The following TPBGL variants were observed in gnomAD, a reference collection of about 807,000 sequenced individuals.
TPBGL encodes the protein trophoblast glycoprotein-like.
For missense variants in TPBGL, 685 were observed against 609.4 expected, an observed-to-expected ratio of 1.12 and a Z score of -1.31; for synonymous variants, 380 against 314.8, an observed-to-expected ratio of 1.21 and a Z score of -2.19.
rs898821494 is a variant in TPBGL at position 75,243,704 on chromosome 11, A to C, written c.*1506A>C. ...AGTCTGCAATAATCTCAGATACTCTACTCTTGTTAGTGGTGCCGTATCATT... is the reference window on the plus strand; with the variant it reads ...AGTCTGCAATAATCTCAGATACTCTCCTCTTGTTAGTGGTGCCGTATCATT... On this transcript the variant is annotated 3_prime_UTR_variant, in exon 1 of 1. Transcript: ENST00000562197. 1.3e-5 allele frequency: 2 copies of C among 151,710 alleles called. No homozygotes were observed. The highest frequency in any genetic ancestry group is 2.9e-5 in the Non-Finnish European group (2 of 67,974). 9.4% of individuals were successfully genotyped at this position (151,710 alleles called of 1,614,324 possible). A position where few individuals can be genotyped will look rare whatever the true frequency, so the allele number is the denominator to read the frequency against.
chr11:75,241,404 A>G lies in TPBGL; in HGVS notation c.355A>G (p.Ser119Gly). 1 of 1,360,624 alleles carries G rather than the reference A, an allele frequency of 7.3e-7. No homozygotes were observed. Among genetic ancestry groups the G allele is most frequent in the Admixed American group, 3.4e-5 (1 of 29,240 alleles). 84.3% of individuals were successfully genotyped at this position (1,360,624 alleles called of 1,614,324 possible). A position where few individuals can be genotyped will look rare whatever the true frequency, so the allele number is the denominator to read the frequency against. Residue 119 changes from serine to glycine, a missense_variant, in exon 1 of 1, where the codon AGC (serine) becomes GGC (glycine). Transcript: ENST00000562197. ...GGACGGCGCCTTCGACGGGCTGCCC[A>G]GCCTGGCGGCGCTCGACCTCAGCCA... is the stretch of plus-strand genomic sequence containing the variant. The part of the protein sequence containing the change: ...VEDGAFDGLP[S>G]LAALDLSHNP...
In TPBGL at chr11:75,242,143, C is replaced by T; in HGVS notation, c.1094C>T (p.Pro365Leu). Reference sequence around the variant, plus strand: ...CAGGACGCCGACCCGCGCCGCGCGCCCGCGCCCGCCGCGCCCGCGGGCTCC... The same window carrying T: ...CAGGACGCCGACCCGCGCCGCGCGCTCGCGCCCGCCGCGCCCGCGGGCTCC... ...YEQDADPRRA[P>L]APAAPAGSRA... Residue 365 changes from proline (P) to leucine (L), a missense_variant, in exon 1 of 1, where the codon CCC (proline) becomes CTC (leucine). Pro to Leu is a moderately conservative substitution (Grantham distance 98, BLOSUM62 -3). Transcript: ENST00000562197. The T allele has an allele frequency of 8.3e-7, 1 of 1,201,310 alleles. No homozygotes were observed. Among genetic ancestry groups the T allele is most frequent in the Non-Finnish European group, 1.0e-6 (1 of 971,740 alleles). The allele number at this position is 1,201,310 out of a possible 1,614,324, so 74.4% of individuals were successfully genotyped here. A position where few individuals can be genotyped will look rare whatever the true frequency, so the allele number is the denominator to read the frequency against.
In TPBGL at chr11:75,242,308, G is replaced by A. The variant is rs758055839; in HGVS notation, c.*110G>A. 339 of 1,034,802 alleles carry A rather than the reference G, an allele frequency of 3.3e-4. No individual in the cohort carries two copies. The highest frequency in any genetic ancestry group is 3.7e-4 in the Non-Finnish European group (321 of 862,678). 64.1% of individuals were successfully genotyped at this position (1,034,802 alleles called of 1,614,324 possible). On this transcript the variant is annotated 3_prime_UTR_variant, in exon 1 of 1. Transcript: ENST00000562197. Reference sequence around the variant, plus strand: ...TCCCCTGACTCGGAGGCGCTAAGCCGTACCCTCTCGTTCCCGCCTCCGAGA... The same window carrying A: ...TCCCCTGACTCGGAGGCGCTAAGCCATACCCTCTCGTTCCCGCCTCCGAGA...
At position 75,241,189 on chromosome 11, in the gene TPBGL, C is replaced by G; in HGVS notation, c.140C>G (p.Ala47Gly). 1 of 1,451,306 alleles carries G rather than the reference C, an allele frequency of 6.9e-7. No homozygotes were observed. Among genetic ancestry groups the G allele is most frequent in the Non-Finnish European group, 9.1e-7 (1 of 1,104,658 alleles). The allele number at this position is 1,451,306 out of a possible 1,614,324, so 89.9% of individuals were successfully genotyped here. A position where few individuals can be genotyped will look rare whatever the true frequency, so the allele number is the denominator to read the frequency against. Reference sequence around the variant, plus strand: ...CTGCTGCTGCGCTGCGCGTCGGGAGCCGAGCTCCGCCAGCCTCCGCGGGAC... The same window carrying G: ...CTGCTGCTGCGCTGCGCGTCGGGAGGCGAGCTCCGCCAGCCTCCGCGGGAC... ...PKLLLRCASGAELRQPPRDVP... is the reference protein window; with the variant it reads ...PKLLLRCASGGELRQPPRDVP... The change falls in exon 1 of 1, where the codon GCC becomes GGC. Residue 47 changes from alanine (A) to glycine (G), a missense_variant. Transcript: ENST00000562197.
Position 75,241,566 on chromosome 11 carries a change from G to A in TPBGL, c.517G>A (p.Glu173Lys), listed in dbSNP as rs1037534745. The A allele has an allele frequency of 8.5e-6, 11 of 1,299,128 alleles. No individual in the cohort carries two copies. Among genetic ancestry groups the A allele is most frequent in the Admixed American group, 7.0e-5 (2 of 28,676 alleles). 80.5% of individuals were successfully genotyped at this position (1,299,128 alleles called of 1,614,324 possible). A position where few individuals can be genotyped will look rare whatever the true frequency, so the allele number is the denominator to read the frequency against. Residue 173 changes from glutamate to lysine, a missense_variant, in exon 1 of 1, where the codon GAG becomes AAG. Coordinates refer to ENST00000562197, the MANE Select transcript of TPBGL (RefSeq NM_001195528.2). The part of the protein sequence containing the change: ...ALDAALAPLA[E>K]LRLLGLAGNA... The stretch of plus-strand genomic sequence containing the variant: ...GGACGCTGCGCTGGCACCGCTGGCC[G>A]AGCTTCGCCTGCTGGGCCTAGCGGG...
chr11:75,243,182 C>T lies in TPBGL; in HGVS notation c.*984C>T, dbSNP rs1488979511. ...GTGCAGGTGCCATGCACCCCTAGTGCATACTGGCAGATCCTTGTAGGGAAG... is the reference window on the plus strand; with the variant it reads ...GTGCAGGTGCCATGCACCCCTAGTGTATACTGGCAGATCCTTGTAGGGAAG... On this transcript the variant is annotated 3_prime_UTR_variant, in exon 1 of 1. Transcript: ENST00000562197. 2 of 152,346 alleles carry T rather than the reference C, an allele frequency of 1.3e-5. No individual in the cohort carries two copies. The highest frequency in any genetic ancestry group is 2.9e-5 in the Non-Finnish European group (2 of 68,132). The allele number at this position is 152,346 out of a possible 1,614,324, so 9.4% of individuals were successfully genotyped here.
At position 75,243,085 on chromosome 11, in the gene TPBGL, T is replaced by G. The variant is rs1226698069; in HGVS notation, c.*887T>G. On this transcript the variant is annotated 3_prime_UTR_variant, in exon 1 of 1. Coordinates refer to ENST00000562197, the MANE Select transcript of TPBGL (RefSeq NM_001195528.2). ...CTGCCATTCACTAGTCAAGGTCCAG[T>G]GAGGAATCCGTCCCTGGGATGTCCT... 1 of 151,290 alleles carries G rather than the reference T, an allele frequency of 6.6e-6. No individual in the cohort carries two copies. Among genetic ancestry groups the G allele is most frequent in the Non-Finnish European group, 1.5e-5 (1 of 67,904 alleles). 9.4% of individuals were successfully genotyped at this position (151,290 alleles called of 1,614,324 possible). A position where few individuals can be genotyped will look rare whatever the true frequency, so the allele number is the denominator to read the frequency against.
chr11:75,241,114 A>G lies in TPBGL; in HGVS notation c.65A>G (p.Gln22Arg), dbSNP rs1945594267. 2.1e-6 allele frequency: 3 copies of G among 1,397,226 alleles called. No homozygotes were observed. The highest frequency in any genetic ancestry group is 2.8e-6 in the Non-Finnish European group (3 of 1,072,274). The allele number at this position is 1,397,226 out of a possible 1,614,324, so 86.6% of individuals were successfully genotyped here. Residue 22 changes from glutamine (Q) to arginine (R), a missense_variant, in exon 1 of 1, where the codon CAG becomes CGG. Gln to Arg is a conservative substitution (Grantham distance 43). Coordinates refer to ENST00000562197, the MANE Select transcript of TPBGL (RefSeq NM_001195528.2). ...CTGCTCGTGGCGGCGGCGCTGAGCC[A>G]GCCCGCGGCACCCTGCCCCTTCCAG... is the stretch of plus-strand genomic sequence containing the variant. ...GLLLVAAALS[Q>R]PAAPCPFQCY...
chr11:75,240,969 C>A lies in TPBGL; in HGVS notation c.-81C>A. 2 of 1,058,916 alleles carry A rather than the reference C, an allele frequency of 1.9e-6. No individual in the cohort carries two copies. Among genetic ancestry groups the A allele is most frequent in the Non-Finnish European group, 2.4e-6 (2 of 842,994 alleles). 65.6% of individuals were successfully genotyped at this position (1,058,916 alleles called of 1,614,324 possible). On this transcript the variant is annotated 5_prime_UTR_variant, in exon 1 of 1. Coordinates refer to ENST00000562197, the MANE Select transcript of TPBGL (RefSeq NM_001195528.2). ...CCAGCCGCTCCGGGTCAAGGACTCG[C>A]CCCACCCGTGCCCCCCACCAGGCGC...
chr11:75,242,225 C>T lies in TPBGL; in HGVS notation c.*27C>T, dbSNP rs1027356613. ...CGGCGCCCCCGGGCTCGGGGCTTCC[C>T]TTGCCTGGCCCGAAGCCGTGGAGAT... On this transcript the variant is annotated 3_prime_UTR_variant, in exon 1 of 1. Coordinates refer to ENST00000562197, the MANE Select transcript of TPBGL (RefSeq NM_001195528.2). 3.9e-5 allele frequency: 43 copies of T among 1,090,582 alleles called. No individual in the cohort carries two copies. The highest frequency in any genetic ancestry group is 4.7e-5 in the Non-Finnish European group (42 of 900,094). 67.6% of individuals were successfully genotyped at this position (1,090,582 alleles called of 1,614,324 possible). A position where few individuals can be genotyped will look rare whatever the true frequency, so the allele number is the denominator to read the frequency against.
rs1285984497 is a variant in TPBGL, at chr11:75,240,781, T to C, written c.-269T>C. On this transcript the variant is annotated 5_prime_UTR_variant, in exon 1 of 1. Transcript: ENST00000562197. Reference sequence around the variant, plus strand: ...GGGAGGCAAACCCTGCCCACTCGGCTCGGAGCCCGGAGCGGCCGCGGAAGC... The same window carrying C: ...GGGAGGCAAACCCTGCCCACTCGGCCCGGAGCCCGGAGCGGCCGCGGAAGC... 3.9e-6 allele frequency: 1 copy of C among 254,062 alleles called. No individual in the cohort carries two copies. Among genetic ancestry groups the C allele is most frequent in the Non-Finnish European group, 7.4e-6 (1 of 135,098 alleles). The allele number at this position is 254,062 out of a possible 1,614,324, so 15.7% of individuals were successfully genotyped here.
Position 75,242,158 on chromosome 11 carries a change from C to G in TPBGL, c.1109C>G (p.Pro370Arg). Residue 370 changes from proline to arginine, a missense_variant, in exon 1 of 1, where the codon CCC (proline) becomes CGC (arginine). Coordinates refer to ENST00000562197, the MANE Select transcript of TPBGL (RefSeq NM_001195528.2). The part of the protein sequence containing the change: ...DPRRAPAPAA[P>R]AGSRATSPGS... ...CGCCGCGCGCCCGCGCCCGCCGCGC[C>G]CGCGGGCTCCCGCGCCACCTCCCCG... is the stretch of plus-strand genomic sequence containing the variant. The G allele has an allele frequency of 8.4e-7, 1 of 1,189,184 alleles. No homozygotes were observed. The highest frequency in any genetic ancestry group is 3.7e-5 in the East Asian group (1 of 26,698). The allele number at this position is 1,189,184 out of a possible 1,614,324, so 73.7% of individuals were successfully genotyped here.
At position 75,241,928 on chromosome 11, in the gene TPBGL, C is replaced by T. The variant is rs911752608; in HGVS notation, c.879C>T (p.Arg293=). ...GCGCGGACAGCGGCGCCGACGCTCG[C>T]GGAGAGGAGGCGGAGGCCGCCGGCC... is the stretch of plus-strand genomic sequence containing the variant. ...LRCADSGADA[R]GEEAEAAGPE... Residue 293 remains arginine (R), a synonymous_variant, in exon 1 of 1, where the codon CGC becomes CGT. Transcript: ENST00000562197. 2 of 1,482,814 alleles carry T rather than the reference C, an allele frequency of 1.3e-6. No homozygotes were observed. Among genetic ancestry groups the T allele is most frequent in the Admixed American group, 2.2e-5 (1 of 45,976 alleles). The allele number at this position is 1,482,814 out of a possible 1,614,324, so 91.9% of individuals were successfully genotyped here.
In TPBGL at chr11:75,241,456, G is replaced by GCGC; in HGVS notation, c.409_411dup (p.Ala137dup). 1 of 1,269,270 alleles carries GCGC rather than the reference G, an allele frequency of 7.9e-7. No homozygotes were observed. Among genetic ancestry groups the GCGC allele is most frequent in the Non-Finnish European group, 9.9e-7 (1 of 1,009,706 alleles). 78.6% of individuals were successfully genotyped at this position (1,269,270 alleles called of 1,614,324 possible). A position where few individuals can be genotyped will look rare whatever the true frequency, so the allele number is the denominator to read the frequency against. The stretch of plus-strand genomic sequence containing the variant: ...AACCCGCTGCGCGCCCTGGGCGGCG[G>GCGC]CGCCTTCCGCGGGCTGCCCGCGCTG... On this transcript the variant is annotated inframe_insertion, in exon 1 of 1. Coordinates refer to ENST00000562197, the MANE Select transcript of TPBGL (RefSeq NM_001195528.2).
rs1380259980 is a variant in TPBGL at position 75,242,159 on chromosome 11, C to T, written c.1110C>T (p.Pro370=). 4.2e-6 allele frequency: 5 copies of T among 1,188,740 alleles called. 1 individual carries two copies. The Admixed American group carries it at 1.4e-4, about 33-fold the overall frequency. 73.6% of individuals were successfully genotyped at this position (1,188,740 alleles called of 1,614,324 possible). Residue 370 remains proline, a synonymous_variant, in exon 1 of 1, where the codon CCC becomes CCT. Coordinates refer to ENST00000562197, the MANE Select transcript of TPBGL (RefSeq NM_001195528.2). The part of the protein sequence containing the change: ...DPRRAPAPAA[P]AGSRATSPGS... ...GCCGCGCGCCCGCGCCCGCCGCGCCCGCGGGCTCCCGCGCCACCTCCCCGG... is the reference window on the plus strand; with the variant it reads ...GCCGCGCGCCCGCGCCCGCCGCGCCTGCGGGCTCCCGCGCCACCTCCCCGG...
Position 75,241,905 on chromosome 11 carries a change from G to T in TPBGL, c.856G>T (p.Ala286Ser). 5 of 1,475,438 alleles carry T rather than the reference G, an allele frequency of 3.4e-6. No individual in the cohort carries two copies. The highest frequency in any genetic ancestry group is 4.5e-6 in the Non-Finnish European group (5 of 1,115,498). The allele number at this position is 1,475,438 out of a possible 1,614,324, so 91.4% of individuals were successfully genotyped here. A position where few individuals can be genotyped will look rare whatever the true frequency, so the allele number is the denominator to read the frequency against. Residue 286 changes from alanine to serine, a missense_variant, in exon 1 of 1, where the codon GCG becomes TCG. Transcript: ENST00000562197. ...CCTGGACGGGGCGCGGCTTCGCTGC[G>T]CGGACAGCGGCGCCGACGCTCGCGG... ...LDLDGARLRC[A>S]DSGADARGEE...
chr11:75,241,554 G>T lies in TPBGL; in HGVS notation c.505G>T (p.Ala169Ser). 1 of 1,284,220 alleles carries T rather than the reference G, an allele frequency of 7.8e-7. No homozygotes were observed. The highest frequency in any genetic ancestry group is 4.0e-5 in the East Asian group (1 of 25,278). The allele number at this position is 1,284,220 out of a possible 1,614,324, so 79.6% of individuals were successfully genotyped here. A position where few individuals can be genotyped will look rare whatever the true frequency, so the allele number is the denominator to read the frequency against. ...ALLAALDAAL[A>S]PLAELRLLGL... ...GCTGGCCGCGCTGGACGCTGCGCTG[G>T]CACCGCTGGCCGAGCTTCGCCTGCT... Residue 169 changes from alanine to serine, a missense_variant, in exon 1 of 1, where the codon GCA becomes TCA. By Grantham distance (99) the Ala-to-Ser change is moderately conservative (BLOSUM62 1). Coordinates refer to ENST00000562197, the MANE Select transcript of TPBGL (RefSeq NM_001195528.2).
Position 75,241,576 on chromosome 11 carries a change from T to C in TPBGL, c.527T>C (p.Leu176Pro), listed in dbSNP as rs1945599153. 3.0e-6 allele frequency: 4 copies of C among 1,312,352 alleles called. No individual in the cohort carries two copies. The highest frequency in any genetic ancestry group is 3.9e-6 in the Non-Finnish European group (4 of 1,023,184). 81.3% of individuals were successfully genotyped at this position (1,312,352 alleles called of 1,614,324 possible). ...AALAPLAELRLLGLAGNALSR... is the reference protein window; with the variant it reads ...AALAPLAELRPLGLAGNALSR... The stretch of plus-strand genomic sequence containing the variant: ...CTGGCACCGCTGGCCGAGCTTCGCC[T>C]GCTGGGCCTAGCGGGCAACGCGCTG... Residue 176 changes from leucine (L) to proline (P), a missense_variant, in exon 1 of 1, where the codon CTG becomes CCG. By Grantham distance (98) the Leu-to-Pro change is moderately conservative (BLOSUM62 -3). Transcript: ENST00000562197.
Position 75,241,616 on chromosome 11 carries a change from A to C in TPBGL, c.567A>C (p.Pro189=), listed in dbSNP as rs1293881379. 1 of 1,314,672 alleles carries C rather than the reference A, an allele frequency of 7.6e-7. No individual in the cohort carries two copies. Among genetic ancestry groups the C allele is most frequent in the Non-Finnish European group, 9.8e-7 (1 of 1,024,630 alleles). 81.4% of individuals were successfully genotyped at this position (1,314,672 alleles called of 1,614,324 possible). The change falls in exon 1 of 1, where the codon CCA becomes CCC. Residue 189 remains proline (P), a synonymous_variant. Transcript: ENST00000562197. ...GCAACGCGCTGAGCCGTCTGCCGCC[A>C]GCCGCCCTGCGCCTGGCGCGCCTGG... The part of the protein sequence containing the change: ...LAGNALSRLP[P]AALRLARLEQ...
Sources: allele counts gnomAD v4.1 joint callset, GRCh38; gene constraint gnomAD v4.1.1; transcripts MANE v1.5; gene names NCBI Gene and HGNC (gene_info 2026-07-23, HGNC 2026-07-21).